The following LCORL variants were observed in gnomAD, a reference collection of about 807,000 sequenced individuals.
LCORL encodes the protein ligand-dependent nuclear receptor corepressor-like protein.
In LCORL, 41 loss-of-function variants were observed where a neutral mutation model predicts 141.8. That is an observed-to-expected ratio of 0.29 (90% confidence interval 0.23 to 0.38). The LOEUF is 0.38. LCORL is among the 10% of genes least tolerant of loss of function. The pLI, the probability that LCORL is intolerant of heterozygous loss-of-function variation, is 1.00. For synonymous variants in LCORL, 618 were observed against 694.1 expected (o/e 0.89, Z 1.72); for missense variants, 1,759 against 2,035.0 (o/e 0.86, Z 2.61).
chr4:17,875,083 T>C (rs1309201090), exon 7 of LCORL: 1 of 1,233,620 alleles, frequency 8.1e-7, no homozygotes, highest in Non-Finnish European at 1.0e-6. Flanking sequence ...ATTTTATCCA[T>C]TTGAGTGCAC....
At position 17,956,244 on chromosome 4, in the gene LCORL, T is replaced by G. The variant is rs375301242; in HGVS notation, c.430+5659A>C. ...ATTGTACAGCCACTATAGAAAATAG[T>G]GCGGAGGTTTCGCAAGAAACTAAAA... On this transcript the variant is annotated intron_variant, in intron 4 of 7. Transcript: ENST00000635767. Among the ~76,000 whole-genome samples, 33 of 152,190 alleles carry G rather than the reference T, an allele frequency of 2.2e-4. 1 individual carries two copies. The South Asian group carries it at 3.7e-3, about 17-fold the overall frequency.
chr4:17,892,545 C>T (rs948270300), intron 5 of LCORL, among the ~76,000 whole-genome samples: 2 of 151,940 alleles, frequency 1.3e-5, no homozygotes, highest in South Asian at 2.1e-4. Context: ...TATTTTCTTC[C>T]CGATGTGTTT....
rs535793916 is a variant in LCORL at position 17,932,581 on chromosome 4, A to G, written c.431-23236T>C. ...TTTAGCCTTAAATAAAATATGGCCA[A>G]TGCTCACAATCACTCCTTTTGCCAT... On this transcript the variant is annotated intron_variant, in intron 4 of 7. Transcript: ENST00000635767. 3.9e-5 allele frequency among the ~76,000 whole-genome samples: 6 copies of G among 152,292 alleles called. No individual in the cohort carries two copies. In the South Asian group the frequency reaches 1.2e-3, roughly 32 times the overall value.
At chr4:17,906,596 A>T (rs1731656567) in intron 5 of LCORL, among the ~76,000 whole-genome samples, 1 of 152,122 alleles carries the variant, frequency 6.6e-6, no homozygotes, top group Non-Finnish European at 1.5e-5. Context: ...AAATAATTAC[A>T]TGACTTGTGT....
intron 1 of LCORL, among the ~76,000 whole-genome samples, chr4:17,991,510 G>A (rs1720012119): frequency 6.6e-6 from 1 of 152,160 alleles, no homozygotes; most frequent in South Asian, 2.1e-4. Flanking sequence ...TTCCAAGTTG[G>A]AATATTTGAA....
chr4:17,963,221 G>T (rs1290246530), intron 2 of LCORL, among the ~76,000 whole-genome samples, 172 bp from the exon 3 acceptor site: 1 of 151,984 alleles, frequency 6.6e-6, no homozygotes, highest in Non-Finnish European at 1.5e-5. Context: ...AACAGAGAAG[G>T]CTGTAAGGAG....
intron 4 of LCORL, among the ~76,000 whole-genome samples, chr4:17,953,269 G>T (rs1261051051): frequency 6.6e-6 from 1 of 152,140 alleles, no homozygotes; most frequent in Non-Finnish European, 1.5e-5. Flanking sequence ...CCCAGTAATG[G>T]GATTGCTTGG....
chr4:17,889,688 A>G (rs1401814901), intron 5 of LCORL, among the ~76,000 whole-genome samples: 2 of 151,980 alleles, frequency 1.3e-5, no homozygotes, highest in Non-Finnish European at 2.9e-5. Flanking sequence ...AGAAAAACAA[A>G]AACAATGAGA....
intron 4 of LCORL, among the ~76,000 whole-genome samples, chr4:17,929,519 G>T (rs1735676784): frequency 3.3e-5 from 5 of 152,126 alleles, no homozygotes; most frequent in Admixed American, 3.3e-4. Flanking sequence ...ATGGGTGAAA[G>T]AATAATCTTT....
chr4:17,882,381 T>G (rs1025401653), intron 6 of LCORL: 1 of 984,356 alleles, frequency 1.0e-6, no homozygotes, highest in African/African-American at 1.7e-5. Flanking sequence ...AGGCATATGC[T>G]TTATAACATT....
At chr4:17,873,776 T>G in exon 7 of LCORL, 1 of 1,234,104 alleles carries the variant, frequency 8.1e-7, no homozygotes, top group East Asian at 3.2e-5. Flanking sequence ...TATTTCTGTG[T>G]TCAAGACAGT....
At chr4:17,886,699 A>C (rs1728319167) in intron 5 of LCORL, among the ~76,000 whole-genome samples, 1 of 152,076 alleles carries the variant, frequency 6.6e-6, no homozygotes, top group Non-Finnish European at 1.5e-5. Flanking sequence ...ATTGAACTAT[A>C]CAATAGTTAA....
intron 4 of LCORL, among the ~76,000 whole-genome samples, chr4:17,949,406 G>C (rs1471041175): frequency 1.3e-5 from 2 of 152,074 alleles, no homozygotes; most frequent in Non-Finnish European, 2.9e-5. Context: ...ATGCGTCCTT[G>C]ACTGTAGTTC....
intron 4 of LCORL, among the ~76,000 whole-genome samples, chr4:17,943,769 T>C (rs983798034): frequency 6.6e-6 from 1 of 152,172 alleles, no homozygotes; most frequent in Admixed American, 6.5e-5. Flanking sequence ...TACAGAATCA[T>C]AGGACCTTTG....
intron 1 of LCORL, among the ~76,000 whole-genome samples, chr4:17,973,544 A>G (rs1446023135): frequency 6.6e-6 from 1 of 151,928 alleles, no homozygotes; most frequent in Non-Finnish European, 1.5e-5. Flanking sequence ...AGTCTGTAAC[A>G]TATTTAATTT....
intron 7 of LCORL, among the ~76,000 whole-genome samples, chr4:17,868,021 T>C (rs1035391558): frequency 6.6e-6 from 1 of 152,148 alleles, no homozygotes; most frequent in Non-Finnish European, 1.5e-5. Flanking sequence ...TGTAAAAAAA[T>C]TCCTAATTTC....
chr4:17,920,446 C>T (rs1007581862), intron 4 of LCORL, among the ~76,000 whole-genome samples: 17 of 152,294 alleles, frequency 1.1e-4, no homozygotes, highest in African/African-American at 3.8e-4. Context: ...TGGTGGAGGG[C>T]TTTGCCTCAA....
intron 1 of LCORL, among the ~76,000 whole-genome samples, chr4:18,013,323 T>C (rs539817131): frequency 8.5e-5 from 13 of 152,348 alleles, no homozygotes; most frequent in African/African-American, 2.9e-4. Flanking sequence ...ATCTCTGATA[T>C]ACTCAAGTTA....
At chr4:17,945,334 C>G (rs550516483) in intron 4 of LCORL, among the ~76,000 whole-genome samples, 30 of 151,376 alleles carry the variant, frequency 2.0e-4, no homozygotes, top group African/African-American at 6.8e-4. Flanking sequence ...TCACTCATGA[C>G]ACGACAGAAC....
Sources: allele counts gnomAD v4.1 joint callset (sites outside exome capture counted in the v4.1 genomes callset), GRCh38; gene constraint gnomAD v4.1.1; transcripts MANE v1.5; gene names NCBI Gene and HGNC (gene_info 2026-07-23, HGNC 2026-07-21).